Variants in POLN observed in about 807,000 individuals in gnomAD.
The protein encoded by POLN is DNA polymerase N.
Under a neutral mutation model 113.5 loss-of-function variants are expected in POLN, and 108 were observed. That is an observed-to-expected ratio of 0.95 (90% CI 0.81 to 1.12). The LOEUF is 1.12. POLN is among the 50% of genes most tolerant of loss of function. POLN has a pLI of 0.00. For synonymous variants in POLN, 386 were observed against 391.5 expected, an observed-to-expected ratio of 0.99 and a Z score of 0.17; for missense variants, 1,097 against 1,077.1, an observed-to-expected ratio of 1.02 and a Z score of -0.26.
rs1019767416 is a variant in POLN, at chr4:2,241,651, A to C, written c.-144T>G. 2.0e-6 allele frequency: 2 copies of C among 985,354 alleles called. No homozygotes were observed. Among genetic ancestry groups the C allele is most frequent in the Admixed American group, 6.1e-5 (1 of 16,274 alleles). The allele number at this position is 985,354 out of a possible 1,614,324, so 61.0% of individuals were successfully genotyped here. ...GCCGGCCTTCAGCCAGCGCTGAGGC[A>C]GCCCCGACGCCAGGGCCGCGCGAAC... On this transcript the variant is annotated 5_prime_UTR_variant, in exon 2 of 26. Transcript: ENST00000511885.
chr4:2,108,822 G>T (rs1427126134), intron 19 of POLN, among the ~76,000 whole-genome samples: 1 of 152,108 alleles, frequency 6.6e-6, no homozygotes, highest in East Asian at 1.9e-4. Context: ...TGCCCCCTCA[G>T]TATGGCACAC....
chr4:2,089,126 T>A (rs1730611540), intron 20 of POLN: 3 of 1,176,456 alleles, frequency 2.6e-6, no homozygotes, highest in Non-Finnish European at 3.7e-6. Flanking sequence ...GTTTTTTTTA[T>A]AAGGACCCTA....
In POLN at chr4:2,240,906, A is replaced by G. The variant is rs771838776; in HGVS notation, c.-13+614T>C. 8.1e-6 allele frequency: 13 copies of G among 1,597,364 alleles called. No individual in the cohort carries two copies. In the South Asian group the frequency reaches 1.2e-4, roughly 15 times the overall value. On this transcript the variant is annotated intron_variant, in intron 2 of 25. Coordinates refer to ENST00000511885, the MANE Select transcript of POLN (RefSeq NM_181808.4). ...AAGATTATCAGCTTTGGGATAACCA[A>G]TTTTTTTTAATGTTTCCACAAACTC... is the stretch of plus-strand genomic sequence containing the variant.
At chr4:2,204,599 T>C (rs1403404982) in intron 5 of POLN, among the ~76,000 whole-genome samples, 1 of 152,162 alleles carries the variant, frequency 6.6e-6, no homozygotes, top group Non-Finnish European at 1.5e-5. Flanking sequence ...GTGAAGTCAG[T>C]ATCACCCTAA....
intron 7 of POLN, among the ~76,000 whole-genome samples, chr4:2,192,585 G>A (rs1733478445): frequency 6.6e-6 from 1 of 152,008 alleles, no homozygotes; most frequent in Non-Finnish European, 1.5e-5. Flanking sequence ...TGATCCGCCT[G>A]CCTCAGCCTC....
intron 20 of POLN, among the ~76,000 whole-genome samples, chr4:2,092,085 C>A (rs1730680455): frequency 6.6e-6 from 1 of 152,200 alleles, no homozygotes; most frequent in Admixed American, 6.5e-5. Flanking sequence ...CTGGGTCCCT[C>A]CCCTGGCTCC....
chr4:2,229,146 T>C lies in POLN; in HGVS notation c.86A>G (p.His29Arg). Residue 29 changes from histidine to arginine, a missense_variant, in exon 3 of 26, where the codon CAT becomes CGT. By Grantham distance (29) the His-to-Arg change is conservative. Coordinates refer to ENST00000511885, the MANE Select transcript of POLN (RefSeq NM_181808.4). The stretch of plus-strand genomic sequence containing the variant: ...CTTAGAATCCACTAAATCACCTGAA[T>C]GCATAGCAGACATAATCTTCTGAGC... ...SVAQKIMSAM[H>R]SGDLVDSKTW... 1.2e-6 allele frequency: 2 copies of C among 1,611,262 alleles called. No individual in the cohort carries two copies. The highest frequency in any genetic ancestry group is 8.5e-7 in the Non-Finnish European group (1 of 1,177,450).
chr4:2,083,880 T>C (rs1375316797), intron 21 of POLN, among the ~76,000 whole-genome samples: 1 of 152,216 alleles, frequency 6.6e-6, no homozygotes, highest in Non-Finnish European at 1.5e-5. Context: ...TGAAACACTT[T>C]GTTTTTGACA....
Position 2,242,095 on chromosome 4 carries a change from C to T in POLN, c.-328G>A. 6 of 985,882 alleles carry T rather than the reference C, an allele frequency of 6.1e-6. No individual in the cohort carries two copies. The highest frequency in any genetic ancestry group is 1.7e-5 in the African/African-American group (1 of 57,372). 61.1% of individuals were successfully genotyped at this position (985,882 alleles called of 1,614,324 possible). On this transcript the variant is annotated 5_prime_UTR_variant, in exon 1 of 26. Coordinates refer to ENST00000511885, the MANE Select transcript of POLN (RefSeq NM_181808.4). ...TTCTCGCAGGAGCCCGCCGCCACCG[C>T]CCTCCGTGCCCCGCGCGCCTCGCAC... is the stretch of plus-strand genomic sequence containing the variant.
intron 13 of POLN, among the ~76,000 whole-genome samples, chr4:2,163,990 G>GT (rs1266758808): frequency 6.6e-6 from 1 of 152,156 alleles, no homozygotes; most frequent in Admixed American, 6.5e-5. Flanking sequence ...AGTAGTGGCT[G>GT]TATCTATTTG....
At chr4:2,113,383 T>C (rs984688866) in intron 19 of POLN, among the ~76,000 whole-genome samples, 1 of 151,068 alleles carries the variant, frequency 6.6e-6, no homozygotes, top group Non-Finnish European at 1.5e-5. Flanking sequence ...ACTTAAAGTA[T>C]AATAATAATA....
intron 4 of POLN, among the ~76,000 whole-genome samples, chr4:2,210,723 C>G (rs919277425): frequency 4.0e-5 from 6 of 149,222 alleles, no homozygotes; most frequent in African/African-American, 1.5e-4. Context: ...GAGTTCAAGA[C>G]CAGCCTGGCC....
At chr4:2,173,876 C>T in intron 11 of POLN, 79 bp downstream of exon 11, 2 of 1,351,526 alleles carry the variant, frequency 1.5e-6, no homozygotes, top group South Asian at 1.2e-5. Flanking sequence ...GGAGAATCTA[C>T]TCTAGACCTG....
chr4:2,211,915 C>T (rs2108765875), intron 4 of POLN, among the ~76,000 whole-genome samples: 1 of 152,194 alleles, frequency 6.6e-6, no homozygotes, highest in South Asian at 2.1e-4. Context: ...GTCTGTTCAC[C>T]ACTGAGAGAT....
chr4:2,113,563 C>CA (rs950728271), intron 19 of POLN, among the ~76,000 whole-genome samples: 116 of 144,320 alleles, frequency 8.0e-4, no homozygotes, highest in Middle Eastern at 3.5e-3. Flanking sequence ...AAACCTTTTT[C>CA]AAAAAAAAAA....
At chr4:2,080,142 G>A in intron 23 of POLN, 1 of 985,650 alleles carries the variant, frequency 1.0e-6, no homozygotes, top group South Asian at 4.7e-5. Flanking sequence ...CCCAGAAGGG[G>A]CTCCGGGACT....
At chr4:2,157,790 C>A in intron 15 of POLN, 68 bp downstream of exon 15, 2 of 765,418 alleles carry the variant, frequency 2.6e-6, no homozygotes, top group South Asian at 1.9e-5. Context: ...TACAAAGGTT[C>A]TATATGTATC....
chr4:2,135,042 A>G (rs1731819654), intron 16 of POLN, among the ~76,000 whole-genome samples: 1 of 152,206 alleles, frequency 6.6e-6, no homozygotes, highest in South Asian at 2.1e-4. Context: ...CAGGGCAGCA[A>G]TGCAAAATGA....
chr4:2,163,568 T>C (rs1425363342), intron 13 of POLN, among the ~76,000 whole-genome samples: 1 of 152,244 alleles, frequency 6.6e-6, no homozygotes, highest in African/African-American at 2.4e-5. Flanking sequence ...TTCCCGCTGG[T>C]GCCTCTTCTC....
Sources: allele counts gnomAD v4.1 joint callset (sites outside exome capture counted in the v4.1 genomes callset), GRCh38; gene constraint gnomAD v4.1.1; transcripts MANE v1.5; gene names NCBI Gene and HGNC (gene_info 2026-07-23, HGNC 2026-07-21).